The following PLOD2 variants were observed in gnomAD, a reference collection of about 807,000 sequenced individuals.
The protein encoded by PLOD2 is lysine hydroxylase 2.
Under a neutral mutation model 101.0 loss-of-function variants are expected in PLOD2, and 65 were observed. The ratio of observed to expected loss-of-function variants is 0.64; its 90% CI spans 0.53 to 0.79. The LOEUF (loss-of-function observed/expected upper bound fraction) is 0.79. PLOD2 is among the 30% of genes least tolerant of loss of function. The pLI is 0.00. For missense variants in PLOD2, 909 were observed against 914.6 expected (o/e 0.99, Z 0.08); for synonymous variants, 314 against 302.9 (o/e 1.04, Z -0.38).
chr3:146,099,320 T>G (rs1352979813), intron 7 of PLOD2, among the ~76,000 whole-genome samples: 2 of 152,222 alleles, frequency 1.3e-5, no homozygotes, highest in Non-Finnish European at 2.9e-5. Flanking sequence ...TTGGAAGGAA[T>G]TGGTGATCAC....
At chr3:146,112,093 T>C (rs1937660817) in intron 3 of PLOD2, among the ~76,000 whole-genome samples, 1 of 152,144 alleles carries the variant, frequency 6.6e-6, no homozygotes, top group Non-Finnish European at 1.5e-5. Flanking sequence ...AGTGTGGCAA[T>C]TCCTCAAAGA....
chr3:146,149,745 C>A (rs1450711576), intron 1 of PLOD2, among the ~76,000 whole-genome samples: 1 of 152,054 alleles, frequency 6.6e-6, no homozygotes, highest in Non-Finnish European at 1.5e-5. Context: ...CAGTTAATTT[C>A]CAAAACCAAC....
At chr3:146,136,092 CT>C (rs933087743) in intron 1 of PLOD2, among the ~76,000 whole-genome samples, 4 of 151,968 alleles carry the variant, frequency 2.6e-5, no homozygotes, top group African/African-American at 9.7e-5. Context: ...TTTTCTATGA[CT>C]TTTTAAAATC....
At chr3:146,105,228 A>G (rs1390692978) in intron 5 of PLOD2, 1 of 152,218 alleles carries the variant, frequency 6.6e-6, no homozygotes, top group Non-Finnish European at 1.5e-5. Context: ...GAGTTGCTTT[A>G]TTTATTACAG....
rs772324263 is a variant in PLOD2, at chr3:146,088,667, G to A, written c.924C>T (p.Thr308=). 6 of 1,606,846 alleles carry A rather than the reference G, an allele frequency of 3.7e-6. No homozygotes were observed. In the South Asian group the frequency reaches 5.5e-5, roughly 15 times the overall value. ...TGTCCAGAAACCGAGGTAGAAAAGG[G>A]GTTGGTTGCTCAATAAAAACACCTA... ...VSIGVFIEQP[T]PFLPRFLDIL... The change falls in exon 9 of 20, where the codon ACC becomes ACT. Residue 308 remains threonine, a synonymous_variant. Coordinates refer to ENST00000282903, the MANE Select transcript of PLOD2 (RefSeq NM_182943.3).
chr3:146,116,965 C>A (rs76174663), intron 3 of PLOD2, among the ~76,000 whole-genome samples: 5,195 of 152,146 alleles, frequency 0.034, 125 homozygotes, highest in Non-Finnish European at 0.054. Context: ...AAAATTGTTT[C>A]TAAATTAATT....
intron 4 of PLOD2, among the ~76,000 whole-genome samples, chr3:146,108,473 G>A (rs1396293547): frequency 2.0e-5 from 3 of 152,174 alleles, no homozygotes; most frequent in Admixed American, 6.5e-5. Flanking sequence ...TTGAGACACC[G>A]TGCCTGGCCA....
intron 5 of PLOD2, among the ~76,000 whole-genome samples, chr3:146,104,547 A>C (rs1262995715): frequency 3.3e-5 from 5 of 152,246 alleles, no homozygotes; most frequent in Admixed American, 3.3e-4. Context: ...AAATACACTT[A>C]AAGAAAATCT....
At chr3:146,145,770 T>C (rs1457661491) in intron 1 of PLOD2, among the ~76,000 whole-genome samples, 1 of 149,766 alleles carries the variant, frequency 6.7e-6, no homozygotes, top group Non-Finnish European at 1.5e-5. Flanking sequence ...ATTTTATTAC[T>C]GACATTATCA....
At chr3:146,112,849 C>CAAAAA (rs201790733) in intron 3 of PLOD2, among the ~76,000 whole-genome samples, 1 of 92,140 alleles carries the variant, frequency 1.1e-5, no homozygotes, top group African/African-American at 5.2e-5. Context: ...GACTTGGTCT[C>CAAAAA]AAAAAAAAAA....
chr3:146,083,126 C>T (rs1936621244), intron 11 of PLOD2, among the ~76,000 whole-genome samples: 1 of 152,070 alleles, frequency 6.6e-6, no homozygotes, highest in Non-Finnish European at 1.5e-5. Context: ...TTTATAATCC[C>T]AGCTGCCTCC....
At chr3:146,146,509 G>A (rs1057449051) in intron 1 of PLOD2, among the ~76,000 whole-genome samples, 3 of 152,074 alleles carry the variant, frequency 2.0e-5, no homozygotes, top group Non-Finnish European at 2.9e-5. Flanking sequence ...GGAGGAGGGC[G>A]GGTGGACGGA....
rs573663835 is a variant in PLOD2 at position 146,161,093 on chromosome 3, C to G, written c.-104G>C. 1.5e-6 allele frequency: 1 copy of G among 662,278 alleles called. No homozygotes were observed. The highest frequency in any genetic ancestry group is 2.3e-6 in the Non-Finnish European group (1 of 443,540). The allele number at this position is 662,278 out of a possible 1,614,324, so 41.0% of individuals were successfully genotyped here. The stretch of plus-strand genomic sequence containing the variant: ...CGGGTCCGCCCTGAGCCGCCGATTG[C>G]GGGCGGGAGCCGGCGGGCAAGGCGC... On this transcript the variant is annotated 5_prime_UTR_variant, in exon 1 of 20. Coordinates refer to ENST00000282903, the MANE Select transcript of PLOD2 (RefSeq NM_182943.3).
intron 1 of PLOD2, 125 bp downstream of exon 1, chr3:146,160,756 C>A: frequency 1.5e-6 from 1 of 678,548 alleles, no homozygotes; most frequent in South Asian, 1.7e-5. Flanking sequence ...CCCCGGCGGT[C>A]CTGGAGAGGA....
chr3:146,123,135 A>G (rs2030294391), intron 2 of PLOD2: 1 of 192,920 alleles, frequency 5.2e-6, no homozygotes, highest in Non-Finnish European at 1.1e-5. Context: ...ATCTATACTT[A>G]GTATTCCAGT....
chr3:146,126,820 C>CT (rs67640547), intron 1 of PLOD2, among the ~76,000 whole-genome samples: 4 of 151,670 alleles, frequency 2.6e-5, no homozygotes, highest in Non-Finnish European at 1.5e-5. Flanking sequence ...ATTTCATTTA[C>CT]TTTTTTTTAA....
chr3:146,149,758 C>T (rs1341560600), intron 1 of PLOD2, among the ~76,000 whole-genome samples: 1 of 151,972 alleles, frequency 6.6e-6, no homozygotes, highest in East Asian at 1.9e-4. Context: ...AAACCAACAC[C>T]CAGGCTAAAT....
At position 146,160,947 on chromosome 3, in the gene PLOD2, G is replaced by C. The variant is rs775858851; in HGVS notation, c.43C>G (p.Leu15Val). Residue 15 changes from leucine (L) to valine (V), a missense_variant, in exon 1 of 20, where the codon CTC becomes GTC. Coordinates refer to ENST00000282903, the MANE Select transcript of PLOD2 (RefSeq NM_182943.3). ...CAGGGATTCCAGGGGTGGAGGACGA[G>C]CGCCAGGAGCAGCAGCTGAGGCTTC... Reference protein sequence around the residue: ...TVKPQLLLLALVLHPWNPCLG... With the variant: ...TVKPQLLLLAVVLHPWNPCLG... 6.2e-7 allele frequency: 1 copy of C among 1,600,566 alleles called. No homozygotes were observed. Among genetic ancestry groups the C allele is most frequent in the East Asian group, 2.3e-5 (1 of 44,370 alleles).
At chr3:146,156,449 A>G (rs376828312) in intron 1 of PLOD2, among the ~76,000 whole-genome samples, 1 of 152,264 alleles carries the variant, frequency 6.6e-6, no homozygotes, top group Non-Finnish European at 1.5e-5. Flanking sequence ...TGTGGCTGAG[A>G]GCCAATAAAA....
Sources: allele counts gnomAD v4.1 joint callset (sites outside exome capture counted in the v4.1 genomes callset), GRCh38; gene constraint gnomAD v4.1.1; transcripts MANE v1.5; gene names NCBI Gene and HGNC (gene_info 2026-07-23, HGNC 2026-07-21).